Variants in LANCL1 observed in about 807,000 individuals in gnomAD.
LANCL1 encodes the protein glutathione S-transferase LANCL1.
LANCL1 carries 50 observed loss-of-function variants against 50.6 expected under a neutral mutation model. The ratio of observed to expected loss-of-function variants is 0.99; its 90% CI spans 0.79 to 1.25. The LOEUF is 1.25. LANCL1 is among the 50% of genes most tolerant of loss of function. The probability of loss-of-function intolerance (pLI) is 0.00; values close to 1 mark genes in which losing one functional copy is unlikely to be tolerated. For missense variants in LANCL1, 532 were observed against 480.7 expected, an observed-to-expected ratio of 1.11 and a Z score of -1.00; for synonymous variants, 188 against 178.6, an observed-to-expected ratio of 1.05 and a Z score of -0.42.
intron 9 of LANCL1, 34 bp from the exon 10 acceptor site, chr2:210,434,597 C>A (rs777117031): frequency 6.7e-7 from 1 of 1,488,136 alleles, no homozygotes; most frequent in South Asian, 1.1e-5. Flanking sequence ...AGTTATTATA[C>A]CAAATGACTC....
chr2:210,452,081 A>T (rs1253810254), intron 4 of LANCL1, among the ~76,000 whole-genome samples: 1 of 152,160 alleles, frequency 6.6e-6, no homozygotes, highest in African/African-American at 2.4e-5. Flanking sequence ...GTAATAAAAC[A>T]TTTTTTGAAA....
intron 1 of LANCL1, 40 bp downstream of exon 1, chr2:210,476,580 T>G (rs1470257943): frequency 7.3e-7 from 1 of 1,365,588 alleles, no homozygotes; most frequent in Non-Finnish European, 9.5e-7. Flanking sequence ...TGCTAGGACA[T>G]GGCGCCTTCG....
intron 4 of LANCL1, among the ~76,000 whole-genome samples, chr2:210,451,273 T>C (rs750203038): frequency 1.3e-5 from 2 of 149,994 alleles, no homozygotes; most frequent in Non-Finnish European, 1.5e-5. Flanking sequence ...AAGTGAACAA[T>C]GAGAACACAT....
chr2:210,459,409 C>T (rs1323594432), intron 3 of LANCL1, among the ~76,000 whole-genome samples: 1 of 152,112 alleles, frequency 6.6e-6, no homozygotes, highest in Non-Finnish European at 1.5e-5. Context: ...ACTCCTGCAA[C>T]CTGCCTGGTT....
At chr2:210,448,634 A>C (rs1435349912) in intron 4 of LANCL1, among the ~76,000 whole-genome samples, 1 of 152,210 alleles carries the variant, frequency 6.6e-6, no homozygotes, top group African/African-American at 2.4e-5. Flanking sequence ...AAAAGAGAGA[A>C]GAATCAAATA....
chr2:210,470,267 A>C (rs549632761), intron 3 of LANCL1, among the ~76,000 whole-genome samples: 2 of 152,188 alleles, frequency 1.3e-5, no homozygotes, highest in African/African-American at 2.4e-5. Flanking sequence ...TTTCATTCTC[A>C]TTTTAACTTT....
intron 3 of LANCL1, among the ~76,000 whole-genome samples, chr2:210,467,077 C>T (rs1430481533): frequency 6.6e-6 from 1 of 152,114 alleles, no homozygotes. Context: ...TGAACCAGTG[C>T]TAGAGGATGA....
At chr2:210,457,927 T>C (rs1227634083) in intron 3 of LANCL1, among the ~76,000 whole-genome samples, 3 of 152,208 alleles carry the variant, frequency 2.0e-5, no homozygotes, top group Non-Finnish European at 4.4e-5. Flanking sequence ...TAAGAACAAT[T>C]TTCTTCACAG....
chr2:210,470,425 TA>T (rs907233532), intron 3 of LANCL1, among the ~76,000 whole-genome samples: 1 of 151,404 alleles, frequency 6.6e-6, no homozygotes, highest in South Asian at 2.1e-4. Context: ...TACCCTTGTT[TA>T]AAAAAAAATA....
chr2:210,435,460 C>A lies in LANCL1; in HGVS notation c.1051-1G>T. ...CATACTCTAAGCACCATTCAGCAAA[C>A]TGAAAATGAGACCAAGTTAAATTAG... On this transcript the variant is annotated splice_acceptor_variant, in intron 8 of 9. Transcript: ENST00000450366. LOFTEE classifies it high-confidence loss of function. The A allele has an allele frequency of 1.2e-6, 2 of 1,612,348 alleles. No individual in the cohort carries two copies. The highest frequency in any genetic ancestry group is 1.7e-6 in the Non-Finnish European group (2 of 1,178,556).
At chr2:210,454,516 C>T (rs1240071393) in intron 4 of LANCL1, among the ~76,000 whole-genome samples, 1 of 152,184 alleles carries the variant, frequency 6.6e-6, no homozygotes, top group Non-Finnish European at 1.5e-5. Flanking sequence ...TTAGCACGCG[C>T]AGTGGAGCCT....
intron 3 of LANCL1, among the ~76,000 whole-genome samples, chr2:210,461,346 G>A (rs1428848553): frequency 6.6e-6 from 1 of 150,536 alleles, no homozygotes; most frequent in Non-Finnish European, 1.5e-5. Flanking sequence ...GAAGGTGAAG[G>A]ACACTTGGCC....
chr2:210,436,364 TCA>T lies in LANCL1; in HGVS notation c.900_901del (p.Cys300Ter). On this transcript the variant is annotated stop_gained and frameshift_variant, in exon 8 of 10. Transcript: ENST00000450366. LOFTEE classifies it high-confidence loss of function. ...GATCACATCAGCACACTGATAGGCATCACAGAGATACTTTTCCTCTCTGAATA... is the reference window on the plus strand; with the variant it reads ...GATCACATCAGCACACTGATAGGCATCAGAGATACTTTTCCTCTCTGAATA... The T allele has an allele frequency of 6.2e-7, 1 of 1,614,016 alleles. No homozygotes were observed. The highest frequency in any genetic ancestry group is 8.5e-7 in the Non-Finnish European group (1 of 1,179,922).
chr2:210,465,068 T>C (rs539538571), intron 3 of LANCL1, among the ~76,000 whole-genome samples: 1 of 152,200 alleles, frequency 6.6e-6, no homozygotes, highest in African/African-American at 2.4e-5. Flanking sequence ...AAAAATAACT[T>C]CGTAAATTAA....
At chr2:210,450,531 A>G (rs1312979260) in intron 4 of LANCL1, among the ~76,000 whole-genome samples, 1 of 152,230 alleles carries the variant, frequency 6.6e-6, no homozygotes, top group African/African-American at 2.4e-5. Flanking sequence ...GAATATCAGA[A>G]GAAACTATCA....
At chr2:210,475,851 T>C (rs913483544) in intron 2 of LANCL1, among the ~76,000 whole-genome samples, 2 of 152,044 alleles carry the variant, frequency 1.3e-5, no homozygotes, top group Non-Finnish European at 2.9e-5. Flanking sequence ...GAACTTCAGG[T>C]TTCCTAGGTC....
chr2:210,466,923 T>A (rs981588468), intron 3 of LANCL1, among the ~76,000 whole-genome samples: 2 of 151,732 alleles, frequency 1.3e-5, no homozygotes, highest in East Asian at 3.9e-4. Context: ...AAGGAGATCA[T>A]GAGAGAGATG....
intron 6 of LANCL1, 50 bp downstream of exon 6, chr2:210,440,548 T>C (rs1269169752): frequency 1.4e-5 from 22 of 1,527,784 alleles, no homozygotes; most frequent in Non-Finnish European, 1.4e-5. Flanking sequence ...CCCATGATAG[T>C]ACATGGGTCA....
rs1169848354 is a variant in LANCL1 at position 210,436,381 on chromosome 2, C to T, written c.885G>A (p.Glu295=). ...GATAGGCATCACAGAGATACTTTTC[C>T]TCTCTGAATACCTGCAGAGGCAAAG... ...MLIQAYKVFR[E]EKYLCDAYQC... Residue 295 remains glutamate, a synonymous_variant, in exon 8 of 10, where the codon GAG becomes GAA. Coordinates refer to ENST00000450366, the MANE Select transcript of LANCL1 (RefSeq NM_006055.3). 6.2e-7 allele frequency: 1 copy of T among 1,613,866 alleles called. No homozygotes were observed. The highest frequency in any genetic ancestry group is 1.7e-4 in the Middle Eastern group (1 of 6,058).
Sources: gnomAD v4.1 joint callset for allele counts (sites outside exome capture counted in the v4.1 genomes callset) on GRCh38, gnomAD v4.1.1 for gene constraint, MANE v1.5 for transcripts, NCBI Gene and HGNC (gene_info 2026-07-23, HGNC 2026-07-21) for gene names.